ARL15: variants seen among roughly 807,000 people sequenced by gnomAD.
ARL15 encodes the protein ADP-ribosylation factor-like protein 15.
Under a neutral mutation model 25.2 loss-of-function variants are expected in ARL15, and 19 were observed. The observed-to-expected ratio is 0.75, with a 90% CI of 0.53 to 1.10. The LOEUF is 1.10. Among genes scored for constraint, ARL15 ranks in the 50% least tolerant of loss-of-function variants. The probability of loss-of-function intolerance (pLI) is 0.00; values close to 1 mark genes in which losing one functional copy is unlikely to be tolerated. For missense variants in ARL15, 220 were observed against 246.0 expected, an observed-to-expected ratio of 0.89 and a Z score of 0.71; for synonymous variants, 94 against 86.8, an observed-to-expected ratio of 1.08 and a Z score of -0.46.
At chr5:54,055,025 T>C (rs1750819857) in intron 4 of ARL15, among the ~76,000 whole-genome samples, 1 of 152,198 alleles carries the variant, frequency 6.6e-6, no homozygotes, top group Non-Finnish European at 1.5e-5. Context: ...ATTTATGCAC[T>C]TAAAGAACAC....
At chr5:54,003,168 T>C (rs550406043) in intron 4 of ARL15, among the ~76,000 whole-genome samples, 1 of 152,292 alleles carries the variant, frequency 6.6e-6, no homozygotes, top group South Asian at 2.1e-4. Context: ...GTTTATGAAC[T>C]AGCTCATTTT....
intron 4 of ARL15, among the ~76,000 whole-genome samples, chr5:54,107,831 G>A (rs1422583531): frequency 6.6e-6 from 1 of 152,070 alleles, no homozygotes. Flanking sequence ...TAATTTGCTT[G>A]ATAAAATGGA....
intron 4 of ARL15, among the ~76,000 whole-genome samples, chr5:54,020,623 G>A (rs1043116797): frequency 2.6e-5 from 4 of 152,038 alleles, no homozygotes; most frequent in African/African-American, 9.7e-5. Context: ...AAAATGACTT[G>A]TCATACCAAG....
chr5:54,138,379 C>T (rs939454115), intron 3 of ARL15, among the ~76,000 whole-genome samples: 36 of 152,088 alleles, frequency 2.4e-4, no homozygotes, highest in Non-Finnish European at 2.9e-5. Context: ...CTAAACGCAA[C>T]CAACTGACCT....
intron 1 of ARL15, among the ~76,000 whole-genome samples, chr5:54,217,666 C>T (rs1405011502): frequency 1.3e-5 from 2 of 152,046 alleles, no homozygotes; most frequent in Non-Finnish European, 2.9e-5. Flanking sequence ...TAAACATGTT[C>T]ATAGAAATGT....
Position 54,115,141 on chromosome 5 carries a change from C to T in ARL15, c.254-1731G>A, listed in dbSNP as rs116271137. ...AATCCTACATATCGAGTCCTTTCAT[C>T]TCCCAGAGAGCCAACACACCACTGA... On this transcript the variant is annotated intron_variant, in intron 3 of 4. Coordinates refer to ENST00000504924, the MANE Select transcript of ARL15 (RefSeq NM_019087.3). Among the ~76,000 whole-genome samples the T allele has an allele frequency of 9.7e-4, 148 of 152,282 alleles. 1 individual carries two copies. The highest frequency in any genetic ancestry group is 3.5e-3 in the African/African-American group (144 of 41,548).
chr5:53,908,189 A>T (rs1248992160), intron 4 of ARL15, among the ~76,000 whole-genome samples: 10 of 152,202 alleles, frequency 6.6e-5, no homozygotes, highest in Admixed American at 6.6e-4. Context: ...TACTATTGTT[A>T]ATCTCTTACT....
chr5:54,196,636 T>C (rs915790354), intron 1 of ARL15, among the ~76,000 whole-genome samples: 2 of 152,146 alleles, frequency 1.3e-5, no homozygotes, highest in Non-Finnish European at 2.9e-5. Context: ...ATTTCTGTTC[T>C]CGGTGTGGGT....
intron 4 of ARL15, among the ~76,000 whole-genome samples, chr5:54,056,215 T>G (rs1750866102): frequency 6.6e-6 from 1 of 152,116 alleles, no homozygotes; most frequent in African/African-American, 2.4e-5. Flanking sequence ...ATCACACTCA[T>G]ATGGTTACTG....
At chr5:54,157,235 A>G (rs192290056) in intron 2 of ARL15, among the ~76,000 whole-genome samples, 3 of 152,322 alleles carry the variant, frequency 2.0e-5, no homozygotes, top group Non-Finnish European at 4.4e-5. Context: ...AAGGGAAGTA[A>G]TATCCTTCCA....
At chr5:54,160,345 C>T (rs1304638914) in intron 2 of ARL15, among the ~76,000 whole-genome samples, 1 of 152,164 alleles carries the variant, frequency 6.6e-6, no homozygotes, top group Non-Finnish European at 1.5e-5. Flanking sequence ...TTTTCATGAA[C>T]ATTTTCAATC....
chr5:54,041,901 T>C (rs886169460), intron 4 of ARL15, among the ~76,000 whole-genome samples: 1 of 152,020 alleles, frequency 6.6e-6, no homozygotes, highest in Admixed American at 6.6e-5. Context: ...TGGTAAAAAA[T>C]CCTCCAATAG....
chr5:54,182,420 G>T (rs1755087040), intron 1 of ARL15, among the ~76,000 whole-genome samples: 1 of 149,220 alleles, frequency 6.7e-6, no homozygotes, highest in African/African-American at 2.5e-5. Context: ...TTTCCCCATT[G>T]CCTGTTTTTC....
Position 53,922,818 on chromosome 5 carries a change from T to C in ARL15, c.463-36105A>G, listed in dbSNP as rs536599901. Among the ~76,000 whole-genome samples the C allele has an allele frequency of 3.3e-4, 46 of 139,630 alleles. 3 individuals carry two copies. The highest frequency in any genetic ancestry group is 2.2e-3 in the East Asian group (10 of 4,572). 91.6% of individuals were successfully genotyped at this position (139,630 alleles called of 152,430 possible). On this transcript the variant is annotated intron_variant, in intron 4 of 4. Coordinates refer to ENST00000504924, the MANE Select transcript of ARL15 (RefSeq NM_019087.3). ...GCTGACAACTGAGCTGTGTAGATCC[T>C]GAACCAGAAACACAAGAGAAAAACA...
chr5:54,150,028 A>T (rs567042449), intron 3 of ARL15, among the ~76,000 whole-genome samples: 2 of 152,298 alleles, frequency 1.3e-5, no homozygotes, highest in South Asian at 2.1e-4. Context: ...GCCTAAATGG[A>T]TATCTGTTCT....
chr5:53,984,231 T>C (rs2111615595), intron 4 of ARL15, among the ~76,000 whole-genome samples: 1 of 152,340 alleles, frequency 6.6e-6, no homozygotes, highest in South Asian at 2.1e-4. Flanking sequence ...GGTCTAATTC[T>C]TTTCTTGCTG....
At chr5:54,308,864 G>A (rs571218453) in intron 1 of ARL15, among the ~76,000 whole-genome samples, 4 of 152,210 alleles carry the variant, frequency 2.6e-5, no homozygotes, top group African/African-American at 9.6e-5. Flanking sequence ...TCTTTTTTAA[G>A]AACTATTTAA....
intron 1 of ARL15, among the ~76,000 whole-genome samples, chr5:54,197,580 T>G (rs150987057): frequency 5.3e-5 from 8 of 152,292 alleles, no homozygotes; most frequent in African/African-American, 1.4e-4. Flanking sequence ...GCTCATTCAC[T>G]TATTTAAAAC....
intron 2 of ARL15, among the ~76,000 whole-genome samples, chr5:54,164,143 T>C (rs1371406305): frequency 2.6e-5 from 4 of 152,094 alleles, no homozygotes; most frequent in Non-Finnish European, 5.9e-5. Flanking sequence ...GTGGGTCATT[T>C]AGAAGTAAGT....
Sources: allele counts gnomAD v4.1 joint callset (sites outside exome capture counted in the v4.1 genomes callset), GRCh38; gene constraint gnomAD v4.1.1; transcripts MANE v1.5; gene names NCBI Gene and HGNC (gene_info 2026-07-23, HGNC 2026-07-21).